The following SHANK2 variants were observed in gnomAD, a reference collection of about 807,000 sequenced individuals.
The protein encoded by SHANK2 is SH3 and multiple ankyrin repeat domains protein 2.
A neutral mutation model predicts 133.7 loss-of-function variants in SHANK2; 43 were observed. The ratio of observed to expected loss-of-function variants is 0.32; its 90% CI spans 0.25 to 0.41. The LOEUF (loss-of-function observed/expected upper bound fraction) is 0.41. Ranked by LOEUF, SHANK2 falls within the 10% of genes least tolerant of loss-of-function variation. The pLI is 1.00. For missense variants in SHANK2, 1,994 were observed against 2,235.8 expected, an observed-to-expected ratio of 0.89 and a Z score of 2.18; for synonymous variants, 1,017 against 952.8, an observed-to-expected ratio of 1.07 and a Z score of -1.24.
At chr11:70,933,468 T>C (rs189463618) in intron 10 of SHANK2, among the ~76,000 whole-genome samples, 35 of 152,340 alleles carry the variant, frequency 2.3e-4, no homozygotes, top group African/African-American at 8.2e-4. Context: ...ATGCACTTAA[T>C]GCCACTGAAG....
At chr11:70,918,231 C>T (rs1204112418) in intron 10 of SHANK2, among the ~76,000 whole-genome samples, 4 of 152,158 alleles carry the variant, frequency 2.6e-5, no homozygotes, top group African/African-American at 4.8e-5. Context: ...CCATGCGGGG[C>T]GGGGGCCTAG....
chr11:70,473,433 C>T lies in SHANK2; in HGVS notation c.4986G>A (p.Pro1662=), dbSNP rs139247945. 1.7e-4 allele frequency: 265 copies of T among 1,602,804 alleles called. No individual in the cohort carries two copies. Among genetic ancestry groups the T allele is most frequent in the Admixed American group, 4.3e-4 (26 of 59,978 alleles). Residue 1662 remains proline (P), a synonymous_variant, in exon 26 of 26, where the codon CCG becomes CCA. Coordinates refer to ENST00000601538, the MANE Select transcript of SHANK2 (RefSeq NM_012309.5). This position sits in a 1 kb window ranked among gnomAD's most constrained non-coding sequence, Gnocchi z 5.9. The part of the protein sequence containing the change: ...AKSASLAPRS[P]EIMSTISGTR... ...TACCTGAGATGGTGCTCATGATCTCCGGGCTTCTGAAACAGCAACACAGAG... is the reference window on the plus strand; with the variant it reads ...TACCTGAGATGGTGCTCATGATCTCTGGGCTTCTGAAACAGCAACACAGAG...
intron 17 of SHANK2, among the ~76,000 whole-genome samples, chr11:70,590,062 G>C (rs1554987693): frequency 6.6e-6 from 1 of 152,226 alleles, no homozygotes; most frequent in African/African-American, 2.4e-5. Context: ...GGCTGAGGCA[G>C]GAGAACGGCG....
intron 17 of SHANK2, among the ~76,000 whole-genome samples, chr11:70,529,807 G>A (rs1455657623): frequency 6.6e-6 from 1 of 152,158 alleles, no homozygotes; most frequent in Non-Finnish European, 1.5e-5. Flanking sequence ...TTTCATGCCT[G>A]GCGTCTTTCA....
rs529708898 is a variant in SHANK2 at position 70,606,767 on chromosome 11, C to T, written c.2061+53061G>A. Among the ~76,000 whole-genome samples the T allele has an allele frequency of 2.0e-5, 3 of 152,262 alleles. No homozygotes were observed. The South Asian group carries it at 6.2e-4, about 32-fold the overall frequency. ...GGAATGGACCGTCTGCTCCTTGGGC[C>T]TCAGGCGCTTCTGCAGTCCTGATTC... On this transcript the variant is annotated intron_variant, in intron 17 of 25. Coordinates refer to ENST00000601538, the MANE Select transcript of SHANK2 (RefSeq NM_012309.5).
chr11:71,191,340 G>A (rs1001749936), intron 2 of SHANK2, among the ~76,000 whole-genome samples: 11 of 152,076 alleles, frequency 7.2e-5, no homozygotes, highest in South Asian at 2.1e-4. Context: ...TACAAAGCCC[G>A]GCAGACAGGG....
At chr11:70,666,912 GCT>G (rs1328519010) in intron 15 of SHANK2, among the ~76,000 whole-genome samples, 1 of 152,062 alleles carries the variant, frequency 6.6e-6, no homozygotes, top group Non-Finnish European at 1.5e-5. Context: ...TGTTTTCTGA[GCT>G]AGGTGGAAGG....
chr11:70,897,127 G>A (rs542794310), intron 10 of SHANK2, among the ~76,000 whole-genome samples: 99 of 152,242 alleles, frequency 6.5e-4, no homozygotes, highest in South Asian at 6.4e-3. Context: ...TTCCAACTCC[G>A]GCCCTACAGA....
At chr11:70,674,537 C>T (rs549257840) in intron 15 of SHANK2, among the ~76,000 whole-genome samples, 65 of 152,282 alleles carry the variant, frequency 4.3e-4, no homozygotes, top group African/African-American at 1.5e-3. Flanking sequence ...TTAGTACAGA[C>T]GGGGTTTTGC....
At chr11:70,693,988 G>A (rs988956059) in intron 15 of SHANK2, among the ~76,000 whole-genome samples, 2 of 152,184 alleles carry the variant, frequency 1.3e-5, no homozygotes, top group Non-Finnish European at 2.9e-5. Context: ...TGGCGGGAAG[G>A]ATGGATGTAT....
Position 70,702,271 on chromosome 11 carries a change from CCAT to C in SHANK2, c.1778-3511_1778-3509del, listed in dbSNP as rs199995948. On this transcript the variant is annotated intron_variant, in intron 14 of 25. Transcript: ENST00000601538. ...ACTATCATCACCAACATCATCACCACCATCATCATCATCACCACCATCTTCTTC... is the reference window on the plus strand; with the variant it reads ...ACTATCATCACCAACATCATCACCACCATCATCATCACCACCATCTTCTTC... 8.8e-3 allele frequency among the ~76,000 whole-genome samples: 1,327 copies of C among 151,272 alleles called. 15 individuals carry two copies. The highest frequency in any genetic ancestry group is 0.026 in the African/African-American group (1,063 of 41,194).
intron 11 of SHANK2, among the ~76,000 whole-genome samples, chr11:70,835,949 C>T (rs1948808872): frequency 6.6e-6 from 1 of 152,114 alleles, no homozygotes; most frequent in African/African-American, 2.4e-5. Context: ...ACCCCGAGCC[C>T]ACTGCACCCC....
At chr11:70,577,654 A>G (rs2060133175) in intron 17 of SHANK2, among the ~76,000 whole-genome samples, 1 of 142,912 alleles carries the variant, frequency 7.0e-6, no homozygotes, top group Non-Finnish European at 1.5e-5. Context: ...TTTCCCACCC[A>G]GGCCCACCCC....
intron 2 of SHANK2, among the ~76,000 whole-genome samples, chr11:71,172,591 C>G (rs1555112416): frequency 9.3e-6 from 1 of 107,866 alleles, no homozygotes; most frequent in African/African-American, 3.1e-5. Flanking sequence ...GAGTGAGACT[C>G]TGTCTCAAAA....
At chr11:71,074,766 T>C (rs1951196501) in intron 9 of SHANK2, among the ~76,000 whole-genome samples, 3 of 147,416 alleles carry the variant, frequency 2.0e-5, no homozygotes, top group Admixed American at 1.4e-4. Context: ...TTTGCTGACC[T>C]AAGCCAATTT....
chr11:70,509,148 G>T (rs1018465382), intron 17 of SHANK2, among the ~76,000 whole-genome samples: 3 of 152,222 alleles, frequency 2.0e-5, no homozygotes, highest in African/African-American at 7.2e-5. Context: ...GCAGTGCTTG[G>T]TCACCAGGCC....
chr11:71,090,121 C>A (rs1951480914), intron 8 of SHANK2, among the ~76,000 whole-genome samples: 1 of 141,132 alleles, frequency 7.1e-6, no homozygotes, highest in Admixed American at 7.0e-5. Flanking sequence ...GTGTATCCTG[C>A]TGCTTCTACA....
At chr11:70,502,972 G>A (rs370844335) in intron 17 of SHANK2, 41 bp from the exon 18 acceptor site, 312 of 1,612,208 alleles carry the variant, frequency 1.9e-4, no homozygotes, top group Non-Finnish European at 2.5e-4. Flanking sequence ...GAGAGCCAGC[G>A]GAGAGGAAGA....
At chr11:70,847,370 G>A (rs1275812332) in intron 11 of SHANK2, among the ~76,000 whole-genome samples, 4 of 152,164 alleles carry the variant, frequency 2.6e-5, no homozygotes, top group East Asian at 1.9e-4. Flanking sequence ...GGGTGGTGAC[G>A]GGGTTGGCAG....
Sources: gnomAD v4.1 joint callset for allele counts (sites outside exome capture counted in the v4.1 genomes callset) on GRCh38, gnomAD v4.1.1 for gene constraint, Gnocchi (gnomAD v3.1) non-coding constraint, MANE v1.5 for transcripts, NCBI Gene and HGNC (gene_info 2026-07-23, HGNC 2026-07-21) for gene names.